HIVEP1: variants seen among roughly 807,000 people sequenced by gnomAD.
HIVEP1 encodes HIVEP zinc finger 1, also known as zinc finger protein 40.
HIVEP1 carries 36 observed loss-of-function variants against 180.0 expected under a neutral mutation model. The ratio of observed to expected loss-of-function variants is 0.20; its 90% CI spans 0.15 to 0.26. The LOEUF is 0.26. Among genes scored for constraint, HIVEP1 ranks in the 10% least tolerant of loss-of-function variants. HIVEP1 has a pLI of 1.00. For missense variants in HIVEP1, 3,143 were observed against 3,268.7 expected (o/e 0.96, Z 0.94); for synonymous variants, 1,239 against 1,239.0 (o/e 1.00, Z 0.00).
At chr6:12,136,189 C>T (rs1758693691) in intron 7 of HIVEP1, among the ~76,000 whole-genome samples, 1 of 152,150 alleles carries the variant, frequency 6.6e-6, no homozygotes, top group Admixed American at 6.5e-5. Flanking sequence ...AACACTTGAC[C>T]TTGATCAAAA....
the HIVEP1 span, among the ~76,000 whole-genome samples, chr6:12,175,578 G>A: frequency 1.3e-5 from 2 of 152,326 alleles, no homozygotes; most frequent in South Asian, 4.1e-4. Context: ...GGTCAGATGT[G>A]TATCTGTGAC....
the HIVEP1 span, among the ~76,000 whole-genome samples, chr6:12,173,760 AAGAC>A: frequency 6.6e-6 from 1 of 152,284 alleles, no homozygotes; most frequent in African/African-American, 2.4e-5. Context: ...AGTTACTTGA[AAGAC>A]AGTATGTTTA....
chr6:12,046,424 A>T (rs1281827243), intron 2 of HIVEP1, among the ~76,000 whole-genome samples: 1 of 152,166 alleles, frequency 6.6e-6, no homozygotes, highest in Admixed American at 6.5e-5. Context: ...GCTAAGGCCT[A>T]TAGAAATGAG....
the HIVEP1 span, among the ~76,000 whole-genome samples, chr6:12,181,303 T>A: frequency 6.6e-6 from 1 of 151,990 alleles, no homozygotes; most frequent in Admixed American, 6.6e-5. Flanking sequence ...GAGGTTACAG[T>A]GAGCTGAGAT....
rs553227646 is a variant in HIVEP1, at chr6:12,160,650, C to G, written c.6488-789C>G. Reference sequence around the variant, plus strand: ...AAAAACAGGAGGCAGGGGAGGGGGGCCGGTGTTACCGAGTAGACTGTTAGA... The same window carrying G: ...AAAAACAGGAGGCAGGGGAGGGGGGGCGGTGTTACCGAGTAGACTGTTAGA... On this transcript the variant is annotated intron_variant, in intron 7 of 8. Coordinates refer to ENST00000379388, the MANE Select transcript of HIVEP1 (RefSeq NM_002114.4). 4.6e-5 allele frequency among the ~76,000 whole-genome samples: 7 copies of G among 152,236 alleles called. No individual in the cohort carries two copies. The South Asian group carries it at 1.0e-3, about 23-fold the overall frequency.
chr6:12,113,087 C>G lies in HIVEP1; in HGVS notation c.95-6803C>G, dbSNP rs376034876. The stretch of plus-strand genomic sequence containing the variant: ...GGCACTTCTCTGGCCTCGTCCTGCC[C>G]CTCATGTGAGCACCTGGTGCGGGCC... On this transcript the variant is annotated intron_variant, in intron 3 of 8. Transcript: ENST00000379388. Among the ~76,000 whole-genome samples, 20 of 151,936 alleles carry G rather than the reference C, an allele frequency of 1.3e-4. 1 individual carries two copies. The highest frequency in any genetic ancestry group is 4.8e-4 in the African/African-American group (20 of 41,408).
intron 3 of HIVEP1, among the ~76,000 whole-genome samples, chr6:12,110,745 A>G (rs1455953099): frequency 6.6e-6 from 1 of 152,260 alleles, no homozygotes; most frequent in African/African-American, 2.4e-5. Context: ...TTCCTGGAGT[A>G]GCACTTTTAA....
chr6:12,178,926 A>C, the HIVEP1 span, among the ~76,000 whole-genome samples: 1 of 152,238 alleles, frequency 6.6e-6, no homozygotes, highest in Non-Finnish European at 1.5e-5. Flanking sequence ...AGAAAGCGTT[A>C]GATAGATGGA....
At chr6:12,093,822 A>G (rs543176407) in intron 3 of HIVEP1, among the ~76,000 whole-genome samples, 2 of 152,186 alleles carry the variant, frequency 1.3e-5, no homozygotes, top group South Asian at 2.1e-4. Context: ...ACTAGTATAT[A>G]CTATATACAG....
intron 7 of HIVEP1, among the ~76,000 whole-genome samples, chr6:12,137,724 C>G (rs1758781738): frequency 6.6e-6 from 1 of 152,012 alleles, no homozygotes; most frequent in Non-Finnish European, 1.5e-5. Flanking sequence ...TGTTGCTACA[C>G]CAGCAGAATT....
chr6:12,131,078 G>C (rs1581750934), intron 6 of HIVEP1, 136 bp downstream of exon 6: 1 of 512,768 alleles, frequency 2.0e-6, no homozygotes, highest in East Asian at 3.0e-5. Context: ...TGTCAATGTT[G>C]TAGTCTTATT....
chr6:12,070,458 C>T (rs532571369), intron 2 of HIVEP1, among the ~76,000 whole-genome samples: 3 of 152,162 alleles, frequency 2.0e-5, no homozygotes, highest in South Asian at 2.1e-4. Context: ...GAGGCCGAGG[C>T]GGGTAGATCA....
chr6:12,117,439 C>T (rs892367956), intron 3 of HIVEP1, among the ~76,000 whole-genome samples: 22 of 152,132 alleles, frequency 1.4e-4, no homozygotes, highest in African/African-American at 5.3e-4. Flanking sequence ...AAAATAGTTT[C>T]TCTTATAAAG....
intron 2 of HIVEP1, among the ~76,000 whole-genome samples, chr6:12,043,483 TC>T (rs1354036825): frequency 6.7e-6 from 1 of 149,570 alleles, no homozygotes; most frequent in African/African-American, 2.5e-5. Context: ...TGCCTCAGCC[TC>T]CCAAATAGCT....
intron 3 of HIVEP1, among the ~76,000 whole-genome samples, chr6:12,103,599 A>G (rs1178777381): frequency 6.6e-6 from 1 of 151,956 alleles, no homozygotes; most frequent in African/African-American, 2.4e-5. Context: ...TAACTGTATT[A>G]GGCAGCTGTT....
At chr6:12,188,300 A>G in the HIVEP1 span, among the ~76,000 whole-genome samples, 1 of 152,336 alleles carries the variant, frequency 6.6e-6, no homozygotes, top group East Asian at 1.9e-4. Flanking sequence ...TCATCATATC[A>G]TCTTCATGGA....
intron 1 of HIVEP1, among the ~76,000 whole-genome samples, chr6:12,014,779 G>A (rs1581488089): frequency 6.6e-6 from 1 of 152,216 alleles, no homozygotes; most frequent in South Asian, 2.1e-4. Context: ...GTCAGGACAG[G>A]CTAGGTTGTG....
downstream of HIVEP1, chr6:12,165,076 T>A: frequency 6.0e-6 from 3 of 498,960 alleles, no homozygotes; most frequent in Non-Finnish European, 1.2e-5. Context: ...CTGGGTTCCA[T>A]TCTTTCCACA....
At chr6:12,099,183 G>GGTTTTTT (rs373744044) in intron 3 of HIVEP1, among the ~76,000 whole-genome samples, 6 of 138,440 alleles carry the variant, frequency 4.3e-5, no homozygotes, top group African/African-American at 1.6e-4. Context: ...ATGTCACTGA[G>GGTTTTTT]TTTTTTTTTT....
Sources: gnomAD v4.1 joint callset for allele counts (sites outside exome capture counted in the v4.1 genomes callset) on GRCh38, gnomAD v4.1.1 for gene constraint, MANE v1.5 for transcripts, NCBI Gene and HGNC (gene_info 2026-07-23, HGNC 2026-07-21) for gene names.